ZNF397: variants seen among roughly 807,000 people sequenced by gnomAD.
The protein encoded by ZNF397 is zinc finger protein 397.
Under a neutral mutation model 50.6 loss-of-function variants are expected in ZNF397, and 38 were observed. The observed-to-expected ratio is 0.75, with a 90% CI of 0.58 to 0.98. The LOEUF is 0.98. ZNF397 is among the 50% of genes least tolerant of loss of function. The probability of loss-of-function intolerance (pLI) is 0.00; values close to 1 mark genes in which losing one functional copy is unlikely to be tolerated. For missense variants in ZNF397, 624 were observed against 624.1 expected (o/e 1.00, Z 0.00); for synonymous variants, 228 against 215.2 (o/e 1.06, Z -0.52).
intron 3 of ZNF397, among the ~76,000 whole-genome samples, chr18:35,244,477 GATGTA>G (rs1215621684): frequency 6.6e-5 from 10 of 152,154 alleles, no homozygotes; most frequent in African/African-American, 2.2e-4. Context: ...TACAATGTAA[GATGTA>G]ATGGAAGCCA....
chr18:35,253,841 G>T (rs1415787703), downstream of ZNF397: 1 of 1,613,992 alleles, frequency 6.2e-7, no homozygotes, highest in Admixed American at 1.7e-5. Context: ...GCCCCTGAAG[G>T]CTTTTCCACA....
chr18:35,254,539 G>C (rs1001658543), downstream of ZNF397: 1 of 1,421,154 alleles, frequency 7.0e-7, no homozygotes, highest in Non-Finnish European at 9.5e-7. Flanking sequence ...AGTGGCCTGG[G>C]GTAGCCAAAT....
chr18:35,252,357 G>A, downstream of ZNF397: 1 of 152,384 alleles, frequency 6.6e-6, no homozygotes, highest in South Asian at 2.1e-4. Context: ...GACTCAGGCA[G>A]TGGGAAGTAT....
In ZNF397 at chr18:35,242,630, A is replaced by G. The variant is rs551692413; in HGVS notation, c.160A>G (p.Arg54Gly). Residue 54 changes from arginine to glycine, a missense_variant, in exon 2 of 4, where the codon AGA becomes GGA. Transcript: ENST00000330501. Reference sequence around the variant, plus strand: ...CCAAGAATTGTTTCGTCAGCAATTCAGAAAATTTTGCTACCAGGAGACACC... The same window carrying G: ...CCAAGAATTGTTTCGTCAGCAATTCGGAAAATTTTGCTACCAGGAGACACC... ...SCQELFRQQF[R>G]KFCYQETPGP... 12 of 1,614,262 alleles carry G rather than the reference A, an allele frequency of 7.4e-6. No homozygotes were observed. In the East Asian group the frequency reaches 2.0e-4, roughly 27 times the overall value.
chr18:35,254,533 G>T (rs562126662), downstream of ZNF397: 5 of 1,433,798 alleles, frequency 3.5e-6, no homozygotes, highest in African/African-American at 5.7e-5. Flanking sequence ...CAGAGAAGTG[G>T]CCTGGGGTAG....
chr18:35,242,348 A>T, intron 1 of ZNF397, 43 bp from the exon 2 acceptor site: 1 of 924,290 alleles, frequency 1.1e-6, no homozygotes, highest in Non-Finnish European at 1.6e-6. Context: ...GTACTTAGAG[A>T]TTTTATTGAT....
At chr18:35,254,357 A>G, downstream of ZNF397, 1 of 1,613,904 alleles carries the variant, frequency 6.2e-7, no homozygotes, top group Middle Eastern at 1.6e-4. Flanking sequence ...TGCCATCAAC[A>G]CTTTGCCAGC....
Position 35,242,785 on chromosome 18 carries a change from G to A in ZNF397, c.315G>A (p.Glu105=). Residue 105 remains glutamate (E), a synonymous_variant, in exon 2 of 4, where the codon GAG becomes GAA. Transcript: ENST00000330501. ...AGTTCCTGAGCATTCTGCCTGAGGA[G>A]CTGCAGATCTGGGTTCAGCAACATA... The part of the protein sequence containing the change: ...LEQFLSILPE[E]LQIWVQQHNP... The A allele has an allele frequency of 6.2e-7, 1 of 1,614,206 alleles. No individual in the cohort carries two copies.
At chr18:35,243,061 G>C in intron 2 of ZNF397, 91 bp from the exon 3 acceptor site, 1 of 1,574,286 alleles carries the variant, frequency 6.4e-7, no homozygotes, top group Admixed American at 1.7e-5. Flanking sequence ...TTCATCCCTG[G>C]AGATGTCATC....
rs1403611459 is a variant in ZNF397 at position 35,249,409 on chromosome 18, T to G, written c.*3099T>G. On this transcript the variant is annotated 3_prime_UTR_variant, in exon 4 of 4. Coordinates refer to ENST00000330501, the MANE Select transcript of ZNF397 (RefSeq NM_001135178.3). Reference sequence around the variant, plus strand: ...GCTCATGCCTGTAATCCCAGCACTTTGGGAGGCTGAGGCGGGTGGATCACC... The same window carrying G: ...GCTCATGCCTGTAATCCCAGCACTTGGGGAGGCTGAGGCGGGTGGATCACC... The G allele has an allele frequency of 2.6e-5, 4 of 152,200 alleles. No individual in the cohort carries two copies. Among genetic ancestry groups the G allele is most frequent in the African/African-American group, 9.7e-5 (4 of 41,406 alleles). The allele number at this position is 152,200 out of a possible 1,614,324, so 9.4% of individuals were successfully genotyped here.
At chr18:35,245,143 A>T in intron 3 of ZNF397, 119 bp from the exon 4 acceptor site, 1 of 1,344,856 alleles carries the variant, frequency 7.4e-7, no homozygotes, top group East Asian at 2.6e-5. Flanking sequence ...GTTGAAAAAA[A>T]AGATACTGGA....
intron 3 of ZNF397, chr18:35,243,503 T>C: frequency 1.5e-6 from 1 of 670,140 alleles, no homozygotes; most frequent in Non-Finnish European, 2.6e-6. Flanking sequence ...CATTCATTCA[T>C]TTCATTATGT....
downstream of ZNF397, chr18:35,253,551 T>C: frequency 6.2e-7 from 1 of 1,614,002 alleles, no homozygotes; most frequent in South Asian, 1.1e-5. Flanking sequence ...CCAGTGTGAA[T>C]TCTCTGGTGC....
chr18:35,250,101 A>G (rs2043552622), downstream of ZNF397, among the ~76,000 whole-genome samples: 2 of 152,330 alleles, frequency 1.3e-5, no homozygotes, highest in South Asian at 4.1e-4. Flanking sequence ...CTAGTATATT[A>G]AAAAGTCTAC....
At position 35,247,382 on chromosome 18, in the gene ZNF397, G is replaced by C. The variant is rs984035612; in HGVS notation, c.*1072G>C. 6.5e-6 allele frequency: 1 copy of C among 153,582 alleles called. No individual in the cohort carries two copies. The highest frequency in any genetic ancestry group is 2.4e-5 in the African/African-American group (1 of 41,472). The allele number at this position is 153,582 out of a possible 1,614,324, so 9.5% of individuals were successfully genotyped here. A position where few individuals can be genotyped will look rare whatever the true frequency, so the allele number is the denominator to read the frequency against. ...GGGAATGAGGGTGAGAAAGAGCCCAGCCTATACCTCAAGAGTCTGCTAGAG... is the reference window on the plus strand; with the variant it reads ...GGGAATGAGGGTGAGAAAGAGCCCACCCTATACCTCAAGAGTCTGCTAGAG... On this transcript the variant is annotated 3_prime_UTR_variant, in exon 4 of 4. Coordinates refer to ENST00000330501, the MANE Select transcript of ZNF397 (RefSeq NM_001135178.3).
Position 35,245,978 on chromosome 18 carries a change from T to C in ZNF397, c.1273T>C (p.Tyr425His), listed in dbSNP as rs2043473352. The C allele has an allele frequency of 1.3e-6, 2 of 1,582,122 alleles. No individual in the cohort carries two copies. Among genetic ancestry groups the C allele is most frequent in the South Asian group, 2.3e-5 (2 of 86,602 alleles). The change falls in exon 4 of 4, where the codon TAT (tyrosine) becomes CAT (histidine). Residue 425 changes from tyrosine (Y) to histidine (H), a missense_variant. Transcript: ENST00000330501. Reference sequence around the variant, plus strand: ...GCGAATTCACACAGGAGAGAGACCCTATGAATGTAATGAATGTGGAAAAGC... The same window carrying C: ...GCGAATTCACACAGGAGAGAGACCCCATGAATGTAATGAATGTGGAAAAGC... ...HQRIHTGERP[Y>H]ECNECGKAFR...
chr18:35,247,102 G>T lies in ZNF397; in HGVS notation c.*792G>T, dbSNP rs1256753838. On this transcript the variant is annotated 3_prime_UTR_variant, in exon 4 of 4. Transcript: ENST00000330501. ...CCCCAGTAAAGAACAGTAGCCAAAGGCCAGAAACAAAGTGTGGAGCATTCC... is the reference window on the plus strand; with the variant it reads ...CCCCAGTAAAGAACAGTAGCCAAAGTCCAGAAACAAAGTGTGGAGCATTCC... The T allele has an allele frequency of 4.4e-5, 43 of 985,508 alleles. No homozygotes were observed. The highest frequency in any genetic ancestry group is 5.2e-4 in the Middle Eastern group (1 of 1,914). The allele number at this position is 985,508 out of a possible 1,614,324, so 61.0% of individuals were successfully genotyped here.
At chr18:35,250,291 A>C (rs1480737133), downstream of ZNF397, among the ~76,000 whole-genome samples, 1 of 152,174 alleles carries the variant, frequency 6.6e-6, no homozygotes, top group African/African-American at 2.4e-5. Flanking sequence ...ATGATCTCTT[A>C]TGGTCAAAAC....
In ZNF397 at chr18:35,248,408, G is replaced by GT. The variant is rs781759771; in HGVS notation, c.*2099dup. On this transcript the variant is annotated 3_prime_UTR_variant, in exon 4 of 4. Coordinates refer to ENST00000330501, the MANE Select transcript of ZNF397 (RefSeq NM_001135178.3). ...AAGATGTAAGAGATTAAAATACGTG[G>GT]TAAGAGCTACTCAACTCTTGTTTTT... 1.3e-5 allele frequency: 2 copies of GT among 152,190 alleles called. No individual in the cohort carries two copies. The highest frequency in any genetic ancestry group is 2.9e-5 in the Non-Finnish European group (2 of 68,026). 9.4% of individuals were successfully genotyped at this position (152,190 alleles called of 1,614,324 possible). A position where few individuals can be genotyped will look rare whatever the true frequency, so the allele number is the denominator to read the frequency against.
Sources: gnomAD v4.1 joint callset for allele counts (sites outside exome capture counted in the v4.1 genomes callset) on GRCh38, gnomAD v4.1.1 for gene constraint, MANE v1.5 for transcripts, NCBI Gene and HGNC (gene_info 2026-07-23, HGNC 2026-07-21) for gene names.